The following ERBB4 variants were observed in gnomAD, a reference collection of about 807,000 sequenced individuals.
The protein encoded by ERBB4 is receptor tyrosine-protein kinase erbB-4.
ERBB4 carries 42 observed loss-of-function variants against 158.0 expected under a neutral mutation model. The ratio of observed to expected loss-of-function variants is 0.27; its 90% CI spans 0.21 to 0.34. ERBB4 has a LOEUF of 0.34. ERBB4 is among the 10% of genes least tolerant of loss of function. The pLI, the probability that ERBB4 is intolerant of heterozygous loss-of-function variation, is 1.00. For missense variants in ERBB4, 1,333 were observed against 1,624.1 expected, an observed-to-expected ratio of 0.82 and a Z score of 3.08; for synonymous variants, 583 against 558.7, an observed-to-expected ratio of 1.04 and a Z score of -0.61.
intron 1 of ERBB4, among the ~76,000 whole-genome samples, chr2:212,175,831 T>G (rs976131095): frequency 6.6e-6 from 1 of 151,906 alleles, no homozygotes; most frequent in African/African-American, 2.4e-5. Flanking sequence ...TTAGAGATCA[T>G]CTATAAGTAA....
chr2:212,391,671 T>A (rs897792191), intron 1 of ERBB4, among the ~76,000 whole-genome samples: 5 of 130,916 alleles, frequency 3.8e-5, no homozygotes, highest in East Asian at 2.0e-4. Flanking sequence ...TGTATTATAT[T>A]TTATATATAT....
chr2:211,670,345 C>A (rs1227441538), intron 14 of ERBB4, among the ~76,000 whole-genome samples: 2 of 152,152 alleles, frequency 1.3e-5, no homozygotes, highest in East Asian at 3.9e-4. Context: ...TGAAAGATGT[C>A]GTGTTCTTAC....
chr2:211,670,062 C>T (rs1466294981), intron 14 of ERBB4, among the ~76,000 whole-genome samples: 1 of 152,072 alleles, frequency 6.6e-6, no homozygotes, highest in Non-Finnish European at 1.5e-5. Flanking sequence ...ATGGGATTTC[C>T]AAATGGCTTT....
At chr2:211,593,992 G>A (rs972184483) in intron 19 of ERBB4, among the ~76,000 whole-genome samples, 1 of 152,034 alleles carries the variant, frequency 6.6e-6, no homozygotes, top group Admixed American at 6.6e-5. Context: ...TCACAACCTG[G>A]TATCTCTCTA....
At chr2:211,920,702 G>A (rs1360182904) in intron 3 of ERBB4, among the ~76,000 whole-genome samples, 1 of 140,948 alleles carries the variant, frequency 7.1e-6, no homozygotes, top group Admixed American at 7.7e-5. Flanking sequence ...ATTTCTTGGA[G>A]AGCTGTGACT....
intron 16 of ERBB4, among the ~76,000 whole-genome samples, chr2:211,639,050 A>G (rs888355601): frequency 6.6e-6 from 1 of 152,194 alleles, no homozygotes; most frequent in Non-Finnish European, 1.5e-5. Context: ...CGCCAGGAAG[A>G]ACTTTCCTTT....
chr2:211,754,309 G>C (rs550818143), intron 4 of ERBB4, among the ~76,000 whole-genome samples: 9 of 152,250 alleles, frequency 5.9e-5, no homozygotes, highest in Non-Finnish European at 8.8e-5. Flanking sequence ...ACGTAAATGA[G>C]AGCAGTGTTT....
intron 3 of ERBB4, among the ~76,000 whole-genome samples, chr2:211,798,269 CT>C (rs2076426580): frequency 6.6e-6 from 1 of 151,954 alleles, no homozygotes. Context: ...TATCTTATTC[CT>C]TTTTCTTATC....
chr2:212,034,109 A>G (rs1245226218), intron 2 of ERBB4, among the ~76,000 whole-genome samples: 3 of 151,862 alleles, frequency 2.0e-5, no homozygotes, highest in Non-Finnish European at 4.4e-5. Context: ...TATACTTCCC[A>G]CTGGTTGTAT....
chr2:211,668,832 T>C (rs566369045), intron 14 of ERBB4, among the ~76,000 whole-genome samples: 1 of 152,198 alleles, frequency 6.6e-6, no homozygotes, highest in Non-Finnish European at 1.5e-5. Flanking sequence ...ACAGACCCCA[T>C]GTAGAAGTGG....
chr2:211,657,957 T>C, intron 15 of ERBB4, 129 bp from the exon 16 acceptor site: 1 of 1,606,842 alleles, frequency 6.2e-7, no homozygotes, highest in South Asian at 1.1e-5. Context: ...TACCTATCCA[T>C]CAGGCCGATG....
chr2:212,323,542 G>A (rs916903621), intron 1 of ERBB4, among the ~76,000 whole-genome samples: 3 of 150,352 alleles, frequency 2.0e-5, no homozygotes, highest in African/African-American at 4.9e-5. Flanking sequence ...GTCATCAGCT[G>A]TGTGGCCTTC....
chr2:211,549,763 A>G (rs1255199263), intron 20 of ERBB4, among the ~76,000 whole-genome samples: 6 of 152,168 alleles, frequency 3.9e-5, no homozygotes, highest in Admixed American at 3.9e-4. Flanking sequence ...GAAGCTAGAT[A>G]ATTGTGCATG....
intron 7 of ERBB4, among the ~76,000 whole-genome samples, chr2:211,720,736 T>C (rs561989022): frequency 1.3e-5 from 2 of 152,338 alleles, no homozygotes; most frequent in South Asian, 4.1e-4. Flanking sequence ...ATTTTCAGCA[T>C]AGAACAGTTT....
chr2:211,625,273 C>CTACT (rs1344006646), intron 17 of ERBB4, among the ~76,000 whole-genome samples: 1 of 152,100 alleles, frequency 6.6e-6, no homozygotes, highest in African/African-American at 2.4e-5. Context: ...TCAAAGGGTA[C>CTACT]TACTACTCAA....
At chr2:212,440,515 A>G (rs1167504189) in intron 1 of ERBB4, among the ~76,000 whole-genome samples, 2 of 152,180 alleles carry the variant, frequency 1.3e-5, no homozygotes, top group Non-Finnish European at 2.9e-5. Context: ...ATATCCTATT[A>G]GTTCTATCCC....
chr2:212,284,346 A>G (rs2085876380), intron 1 of ERBB4, among the ~76,000 whole-genome samples: 2 of 152,102 alleles, frequency 1.3e-5, no homozygotes, highest in African/African-American at 4.8e-5. Flanking sequence ...AGCTCTTGAT[A>G]GATCTGCTGC....
chr2:212,078,025 G>C (rs1276684211), intron 2 of ERBB4, among the ~76,000 whole-genome samples: 1 of 152,024 alleles, frequency 6.6e-6, no homozygotes, highest in East Asian at 1.9e-4. Flanking sequence ...AAGAAGGAAA[G>C]AAAGTAATTC....
chr2:211,548,056 C>T (rs1313809009), intron 20 of ERBB4, among the ~76,000 whole-genome samples: 2 of 152,072 alleles, frequency 1.3e-5, no homozygotes, highest in Non-Finnish European at 2.9e-5. Flanking sequence ...ATTAAGGCTT[C>T]AGTGGGATTC....
Sources: allele counts gnomAD v4.1 joint callset (sites outside exome capture counted in the v4.1 genomes callset), GRCh38; gene constraint gnomAD v4.1.1; transcripts MANE v1.5; gene names NCBI Gene and HGNC (gene_info 2026-07-23, HGNC 2026-07-21).